SLC1A1: variants seen among roughly 807,000 people sequenced by gnomAD.
SLC1A1 encodes the protein excitatory amino acid transporter 3.
A neutral mutation model predicts 53.3 loss-of-function variants in SLC1A1; 43 were observed. The ratio of observed to expected loss-of-function variants is 0.81; its 90% confidence interval spans 0.63 to 1.04. The LOEUF (loss-of-function observed/expected upper bound fraction) is 1.04. Ranked by LOEUF, SLC1A1 falls within the 50% of genes least tolerant of loss-of-function variation. The pLI is 0.00. For missense variants in SLC1A1, 748 were observed against 664.9 expected, an observed-to-expected ratio of 1.12 and a Z score of -1.37; for synonymous variants, 307 against 243.2, an observed-to-expected ratio of 1.26 and a Z score of -2.44.
intron 1 of SLC1A1, among the ~76,000 whole-genome samples, chr9:4,542,188 C>T (rs1462418005): frequency 2.1e-5 from 3 of 144,172 alleles, no homozygotes; most frequent in African/African-American, 7.9e-5. Flanking sequence ...AAGGGAGAGA[C>T]ACGGAGGGAG....
chr9:4,585,237 G>A, intron 11 of SLC1A1, 75 bp from the exon 12 acceptor site: 1 of 1,578,862 alleles, frequency 6.3e-7, no homozygotes, highest in East Asian at 2.2e-5. Context: ...GAACATGTCA[G>A]GTCCTTGCAT....
intron 1 of SLC1A1, among the ~76,000 whole-genome samples, chr9:4,536,366 T>A (rs1192365841): frequency 2.0e-5 from 3 of 148,306 alleles, no homozygotes; most frequent in Admixed American, 2.0e-4. Context: ...AACAGCCCCA[T>A]CAAAAAGTGG....
intron 3 of SLC1A1, among the ~76,000 whole-genome samples, chr9:4,563,937 GA>G (rs1347730989): frequency 6.6e-6 from 1 of 152,122 alleles, no homozygotes; most frequent in African/African-American, 2.4e-5. Flanking sequence ...AAAAGTTGCA[GA>G]AAGACATCAG....
At chr9:4,534,836 G>A (rs952709824) in intron 1 of SLC1A1, among the ~76,000 whole-genome samples, 1 of 152,112 alleles carries the variant, frequency 6.6e-6, no homozygotes, top group Non-Finnish European at 1.5e-5. Context: ...AAATCCAGCA[G>A]CACATCAAGA....
At chr9:4,492,447 A>G (rs897823591) in intron 1 of SLC1A1, among the ~76,000 whole-genome samples, 2 of 142,542 alleles carry the variant, frequency 1.4e-5, no homozygotes, top group African/African-American at 5.3e-5. Flanking sequence ...GTGCCACTGC[A>G]CTCCCGCCTG....
At position 4,531,931 on chromosome 9, in the gene SLC1A1, T is replaced by C. The variant is rs151160998; in HGVS notation, c.92-12636T>C. On this transcript the variant is annotated intron_variant, in intron 1 of 11. Coordinates refer to ENST00000262352, the MANE Select transcript of SLC1A1 (RefSeq NM_004170.6). ...ACTGTTCTGCAGTCTCCGCTGCTGA[T>C]ACACAGGCAAAGAGGGTCTGGAGTG... Among the ~76,000 whole-genome samples the C allele has an allele frequency of 3.1e-3, 473 of 152,296 alleles. 4 individuals carry two copies. Among genetic ancestry groups the C allele is most frequent in the African/African-American group, 0.01 (423 of 41,570 alleles).
chr9:4,499,096 GT>G (rs1468115747), intron 1 of SLC1A1, among the ~76,000 whole-genome samples: 1 of 146,760 alleles, frequency 6.8e-6, no homozygotes, highest in Non-Finnish European at 1.5e-5. Context: ...CTAGGCTGGA[GT>G]GCAGTGGCAC....
chr9:4,490,480 G>C lies in SLC1A1; in HGVS notation c.-200G>C. 2.8e-6 allele frequency: 1 copy of C among 360,040 alleles called. No homozygotes were observed. The highest frequency in any genetic ancestry group is 5.0e-6 in the Non-Finnish European group (1 of 201,364). The allele number at this position is 360,040 out of a possible 1,614,324, so 22.3% of individuals were successfully genotyped here. On this transcript the variant is annotated 5_prime_UTR_variant, in exon 1 of 12. Transcript: ENST00000262352. ...GCGCGCCTGCCACGCAAAACTACCG[G>C]GCTGGCAGGGCGGCGGGCGCGGTGC...
At chr9:4,493,028 G>T (rs1210658755) in intron 1 of SLC1A1, among the ~76,000 whole-genome samples, 1 of 152,172 alleles carries the variant, frequency 6.6e-6, no homozygotes, top group East Asian at 1.9e-4. Context: ...TGAATAAGAA[G>T]AAGTACATGC....
rs1819280921 is a variant in SLC1A1, at chr9:4,564,363, C to T, written c.345C>T (p.Ser115=). The T allele has an allele frequency of 6.2e-7, 1 of 1,613,238 alleles. No homozygotes were observed. Among genetic ancestry groups the T allele is most frequent in the East Asian group, 2.2e-5 (1 of 44,848 alleles). ...AVILGIVLVV[S]IKPGVTQKVG... The stretch of plus-strand genomic sequence containing the variant: ...CCACAGGTATTGTGCTGGTGGTGAG[C>T]ATCAAGCCTGGTGTCACCCAGAAAG... Residue 115 remains serine, a synonymous_variant, in exon 4 of 12, where the codon AGC becomes AGT. Coordinates refer to ENST00000262352, the MANE Select transcript of SLC1A1 (RefSeq NM_004170.6).
At chr9:4,523,880 A>G (rs1295352894) in intron 1 of SLC1A1, among the ~76,000 whole-genome samples, 1 of 152,238 alleles carries the variant, frequency 6.6e-6, no homozygotes, top group South Asian at 2.1e-4. Context: ...ATTTTGTCCA[A>G]GATAACACAG....
chr9:4,523,409 T>G (rs1816154241), intron 1 of SLC1A1, among the ~76,000 whole-genome samples: 1 of 152,200 alleles, frequency 6.6e-6, no homozygotes, highest in African/African-American at 2.4e-5. Context: ...AAGACTTTTA[T>G]TTTGTTGATA....
chr9:4,537,474 G>A lies in SLC1A1; in HGVS notation c.92-7093G>A, dbSNP rs1458992637. ...CTCGGGAGGCTGAGGCAGGAGAATG[G>A]CGTGAACCCGGGAAGCGGAGCTTGC... On this transcript the variant is annotated intron_variant, in intron 1 of 11. Coordinates refer to ENST00000262352, the MANE Select transcript of SLC1A1 (RefSeq NM_004170.6). Among the ~76,000 whole-genome samples, 17 of 100,218 alleles carry A rather than the reference G, an allele frequency of 1.7e-4. 4 individuals carry two copies. Among genetic ancestry groups the A allele is most frequent in the South Asian group, 7.7e-4 (3 of 3,872 alleles). The allele number at this position is 100,218 out of a possible 152,430, so 65.7% of individuals were successfully genotyped here.
rs543087057 is a variant in SLC1A1, at chr9:4,518,746, C to A, written c.92-25821C>A. 3.9e-5 allele frequency among the ~76,000 whole-genome samples: 6 copies of A among 152,310 alleles called. No individual in the cohort carries two copies. The South Asian group carries it at 1.2e-3, about 32-fold the overall frequency. On this transcript the variant is annotated intron_variant, in intron 1 of 11. Coordinates refer to ENST00000262352, the MANE Select transcript of SLC1A1 (RefSeq NM_004170.6). ...CAGGTCACTCTGCTGCCTCTACCAC[C>A]TTTCAGCACTGATGGCTCCACTCCC...
At chr9:4,562,818 G>C (rs1819087492) in intron 3 of SLC1A1, among the ~76,000 whole-genome samples, 1 of 151,966 alleles carries the variant, frequency 6.6e-6, no homozygotes, top group Non-Finnish European at 1.5e-5. Context: ...GTCTATCATT[G>C]TTGGACATTT....
intron 1 of SLC1A1, among the ~76,000 whole-genome samples, chr9:4,513,287 T>C (rs1321230628): frequency 1.3e-5 from 2 of 152,194 alleles, no homozygotes; most frequent in Non-Finnish European, 2.9e-5. Context: ...GAGAAAAGAA[T>C]TGCAGATCAT....
intron 1 of SLC1A1, among the ~76,000 whole-genome samples, chr9:4,509,403 G>A (rs976112029): frequency 2.6e-5 from 4 of 152,070 alleles, no homozygotes; most frequent in African/African-American, 9.7e-5. Flanking sequence ...GGCACCCAGG[G>A]ATGAATAACT....
chr9:4,494,892 T>C (rs1419493237), intron 1 of SLC1A1, among the ~76,000 whole-genome samples: 2 of 152,184 alleles, frequency 1.3e-5, no homozygotes, highest in African/African-American at 4.8e-5. Flanking sequence ...CTTCTGTCAT[T>C]TGAAAAATCT....
chr9:4,566,586 A>C (rs1456828422), intron 5 of SLC1A1, among the ~76,000 whole-genome samples: 3 of 152,072 alleles, frequency 2.0e-5, no homozygotes, highest in Non-Finnish European at 4.4e-5. Flanking sequence ...GGAAGCTCAC[A>C]CCTGTAATCC....
Sources: gnomAD v4.1 joint callset for allele counts (sites outside exome capture counted in the v4.1 genomes callset) on GRCh38, gnomAD v4.1.1 for gene constraint, MANE v1.5 for transcripts, NCBI Gene and HGNC (gene_info 2026-07-23, HGNC 2026-07-21) for gene names.